GARIN5A: variants seen among roughly 807,000 people sequenced by gnomAD.
GARIN5A encodes the protein Golgi-associated RAB2 interactor protein 5A.
chr19:50,472,220 GTATATATACATGTATGTGTGTAT>G, the GARIN5A span, among the ~76,000 whole-genome samples: 73 of 106,384 alleles, frequency 6.9e-4, no homozygotes, highest in Middle Eastern at 5.1e-3. Flanking sequence ...ATGTGTGTAT[GTATATATACATGTATGTGTGTAT>G]TATATATACA....
chr19:50,472,255 GTATGTGTGTATATATGTA>G, the GARIN5A span, among the ~76,000 whole-genome samples: 1 of 100,000 alleles, frequency 1.0e-5, no homozygotes, highest in Non-Finnish European at 1.9e-5. Flanking sequence ...ATATATACAT[GTATGTGTGTATATATGTA>G]TATATACATG....
the GARIN5A span, among the ~76,000 whole-genome samples, chr19:50,474,673 G>T: frequency 6.6e-6 from 1 of 151,968 alleles, no homozygotes; most frequent in South Asian, 2.1e-4. Flanking sequence ...TTCTGGTAGA[G>T]ACAGGGTTTT....
chr19:50,471,659 C>CGTGTGTGTATACGCATACATGCA, the GARIN5A span, among the ~76,000 whole-genome samples: 2 of 102,174 alleles, frequency 2.0e-5, no homozygotes, highest in Admixed American at 1.0e-4. Flanking sequence ...CATACATGCA[C>CGTGTGTGTATACGCATACATGCA]GTGTGTGTAT....
At chr19:50,468,203 A>C in the GARIN5A span, among the ~76,000 whole-genome samples, 1 of 151,922 alleles carries the variant, frequency 6.6e-6, no homozygotes, top group African/African-American at 2.4e-5. Context: ...TCTACTAAAA[A>C]TAGTAAAAAT....
chr19:50,476,240 G>A, the GARIN5A span: 13 of 1,613,330 alleles, frequency 8.1e-6, no homozygotes, highest in African/African-American at 1.6e-4. Context: ...GAGGAGCAGA[G>A]GGAGAAAGCG....
At chr19:50,476,561 C>T in the GARIN5A span, 3 of 1,575,200 alleles carry the variant, frequency 1.9e-6, no homozygotes, top group Middle Eastern at 2.3e-4. Flanking sequence ...GCAGCCAGCG[C>T]TGGGGCAACC....
At chr19:50,476,257 C>T in the GARIN5A span, 1 of 1,611,058 alleles carries the variant, frequency 6.2e-7, no homozygotes, top group Middle Eastern at 1.7e-4. Flanking sequence ...AGCGAGGGGG[C>T]GGGACTACGC....
chr19:50,475,827 C>T, the GARIN5A span: 1 of 1,606,568 alleles, frequency 6.2e-7, no homozygotes, highest in Admixed American at 1.7e-5. Flanking sequence ...TTCTGGGGCT[C>T]CCTACCTGTA....
the GARIN5A span, among the ~76,000 whole-genome samples, chr19:50,471,982 G>A: frequency 2.3e-3 from 343 of 148,140 alleles, 6 homozygotes; most frequent in Non-Finnish European, 3.8e-3. Context: ...ATGTATGTGT[G>A]TATATGTATA....
the GARIN5A span, among the ~76,000 whole-genome samples, chr19:50,471,816 C>G: frequency 1.4e-5 from 2 of 142,514 alleles, no homozygotes. Flanking sequence ...GCATACATAC[C>G]TGTGTGTATA....
the GARIN5A span, among the ~76,000 whole-genome samples, chr19:50,470,942 C>T: frequency 2.7e-3 from 415 of 151,852 alleles, 3 homozygotes; most frequent in Middle Eastern, 0.017. Context: ...GTGTGACCAC[C>T]GCGCCCAGCC....
the GARIN5A span, chr19:50,476,832 A>G: frequency 3.8e-6 from 2 of 520,270 alleles, no homozygotes. Flanking sequence ...TCGCCAGTGC[A>G]CCGGGTTGCA....
the GARIN5A span, among the ~76,000 whole-genome samples, chr19:50,469,317 G>A: frequency 6.6e-6 from 1 of 152,174 alleles, no homozygotes; most frequent in Non-Finnish European, 1.5e-5. Flanking sequence ...CAGGAGGCAT[G>A]TTCTCAGGGA....
the GARIN5A span, chr19:50,475,259 C>T: frequency 4.0e-6 from 6 of 1,509,270 alleles, no homozygotes; most frequent in Non-Finnish European, 5.3e-6. Context: ...AGGGGAGGTA[C>T]TGCTGGGGGC....
At chr19:50,476,312 A>G in the GARIN5A span, 3 of 1,594,246 alleles carry the variant, frequency 1.9e-6, no homozygotes, top group Non-Finnish European at 2.6e-6. Flanking sequence ...GACGTCACAC[A>G]AGAGCGGGCT....
the GARIN5A span, chr19:50,475,762 G>C: frequency 6.2e-6 from 7 of 1,121,926 alleles, no homozygotes; most frequent in Non-Finnish European, 6.8e-6. Context: ...GGGGAGCAGG[G>C]GCTTTCCAAG....
the GARIN5A span, among the ~76,000 whole-genome samples, chr19:50,471,936 G>GTGTATATGTGTATATACATGTA: frequency 2.0e-5 from 3 of 147,712 alleles, no homozygotes; most frequent in East Asian, 3.9e-4. Flanking sequence ...ACATGTATGT[G>GTGTATATGTGTATATACATGTA]TGTAAGTATA....
the GARIN5A span, among the ~76,000 whole-genome samples, chr19:50,472,183 T>C: frequency 3.3e-4 from 46 of 141,180 alleles, no homozygotes; most frequent in Middle Eastern, 3.9e-3. Context: ...TATATGTATG[T>C]ATACATGTAT....
At chr19:50,471,178 TG>T in the GARIN5A span, among the ~76,000 whole-genome samples, 5 of 152,110 alleles carry the variant, frequency 3.3e-5, no homozygotes, top group African/African-American at 1.2e-4. Context: ...TTGCCCAGGC[TG>T]GTCTCCAACT....
Sources: gnomAD v4.1 joint callset for allele counts (sites outside exome capture counted in the v4.1 genomes callset) on GRCh38, gnomAD v4.1.1 for gene constraint, MANE v1.5 for transcripts, NCBI Gene and HGNC (gene_info 2026-07-23, HGNC 2026-07-21) for gene names.